The following MAP1B variants were observed in gnomAD, a reference collection of about 807,000 sequenced individuals.
The protein encoded by MAP1B is microtubule-associated protein 1B.
MAP1B carries 12 observed loss-of-function variants against 176.1 expected under a neutral mutation model. The observed-to-expected ratio is 0.07, with a 90% CI of 0.04 to 0.11. The LOEUF is 0.11. Ranked by LOEUF, MAP1B falls within the 10% of genes least tolerant of loss-of-function variation. The probability of loss-of-function intolerance (pLI) is 1.00; values close to 1 mark genes in which losing one functional copy is unlikely to be tolerated. For synonymous variants in MAP1B, 1,044 were observed against 1,135.0 expected (o/e 0.92, Z 1.61); for missense variants, 2,523 against 2,990.5 (o/e 0.84, Z 3.65).
chr5:72,150,468 A>G (rs1746120907), intron 2 of MAP1B, among the ~76,000 whole-genome samples: 1 of 152,196 alleles, frequency 6.6e-6, no homozygotes, highest in African/African-American at 2.4e-5. Flanking sequence ...TGCATATAGG[A>G]CAGATTTTTT....
chr5:72,198,752 T>G lies in MAP1B; in HGVS notation c.5397T>G (p.Thr1799=). ...PRESSPLYSP[T]FSDSTSAVKE... Reference sequence around the variant, plus strand: ...AGTCCTCTCCTTTATATTCACCTACTTTTTCAGATTCTACCTCTGCAGTCA... The same window carrying G: ...AGTCCTCTCCTTTATATTCACCTACGTTTTCAGATTCTACCTCTGCAGTCA... The change falls in exon 5 of 7, where the codon ACT becomes ACG. Residue 1799 remains threonine (T), a synonymous_variant. Transcript: ENST00000296755. The G allele has an allele frequency of 6.2e-7, 1 of 1,614,160 alleles. No individual in the cohort carries two copies. The highest frequency in any genetic ancestry group is 2.2e-5 in the East Asian group (1 of 44,884).
rs1747453948 is a variant in MAP1B at position 72,206,575 on chromosome 5, A to G, written c.*1336A>G. On this transcript the variant is annotated 3_prime_UTR_variant, in exon 7 of 7. Transcript: ENST00000296755. The stretch of plus-strand genomic sequence containing the variant: ...TTAAATTTTCCATTAATTTCAACAT[A>G]ATTATGGGAACAAGTGTACAGAAGA... 1 of 152,556 alleles carries G rather than the reference A, an allele frequency of 6.6e-6. No homozygotes were observed. Among genetic ancestry groups the G allele is most frequent in the South Asian group, 2.1e-4 (1 of 4,826 alleles). The allele number at this position is 152,556 out of a possible 1,614,324, so 9.5% of individuals were successfully genotyped here.
At chr5:72,130,153 C>T (rs1745702537) in intron 2 of MAP1B, among the ~76,000 whole-genome samples, 1 of 145,826 alleles carries the variant, frequency 6.9e-6, no homozygotes, top group Non-Finnish European at 1.5e-5. Context: ...TTTTAAAAAT[C>T]CCAACTTACA....
Position 72,203,601 on chromosome 5 carries a change from C to T in MAP1B, c.7051C>T (p.Pro2351Ser), listed in dbSNP as rs771764249. 1.2e-6 allele frequency: 2 copies of T among 1,614,076 alleles called. No individual in the cohort carries two copies. Among genetic ancestry groups the T allele is most frequent in the Admixed American group, 3.3e-5 (2 of 60,012 alleles). ...TTKTTKSSAV[P>S]PGLPVYLDLC... ...CAAGACGACCAAGTCATCTGCTGTG[C>T]CCCCAGGCCTCCCTGTGTATTTGGA... Residue 2351 changes from proline to serine, a missense_variant, in exon 6 of 7, where the codon CCC becomes TCC. Physicochemically the swap from Pro to Ser is moderately conservative, Grantham distance 74. Coordinates refer to ENST00000296755, the MANE Select transcript of MAP1B (RefSeq NM_005909.5).
chr5:72,180,252 G>A (rs1746738500), intron 2 of MAP1B, among the ~76,000 whole-genome samples: 1 of 152,204 alleles, frequency 6.6e-6, no homozygotes, highest in African/African-American at 2.4e-5. Flanking sequence ...GAATACAGAC[G>A]TGATGACAGT....
rs1202830721 is a variant in MAP1B at position 72,186,650 on chromosome 5, C to T, written c.406C>T (p.Leu136=). The T allele has an allele frequency of 6.2e-7, 1 of 1,614,124 alleles. No homozygotes were observed. Among genetic ancestry groups the T allele is most frequent in the Non-Finnish European group, 8.5e-7 (1 of 1,180,062 alleles). ...LMITDAARHK[L]LVLTGQCFEN... ...GATCACTGATGCTGCCCGACACAAGCTGCTCGTGCTGACCGGGCAGTGCTT... is the reference window on the plus strand; with the variant it reads ...GATCACTGATGCTGCCCGACACAAGTTGCTCGTGCTGACCGGGCAGTGCTT... The change falls in exon 4 of 7, where the codon CTG becomes TTG. Residue 136 remains leucine (L), a synonymous_variant. Coordinates refer to ENST00000296755, the MANE Select transcript of MAP1B (RefSeq NM_005909.5). The surrounding 1 kb of genome is among the most constrained non-coding windows in gnomAD (Gnocchi z 4.3).
At position 72,208,984 on chromosome 5, in the gene MAP1B, A is replaced by G. The variant is rs866596655; in HGVS notation, c.*3745A>G. 5 of 152,208 alleles carry G rather than the reference A, an allele frequency of 3.3e-5. No homozygotes were observed. Among genetic ancestry groups the G allele is most frequent in the Non-Finnish European group, 4.4e-5 (3 of 68,044 alleles). The allele number at this position is 152,208 out of a possible 1,614,324, so 9.4% of individuals were successfully genotyped here. Reference sequence around the variant, plus strand: ...TTTATCTTTTAACCAACTGAACAATACACCAAAAGCAGCCTAGGGATGAGC... The same window carrying G: ...TTTATCTTTTAACCAACTGAACAATGCACCAAAAGCAGCCTAGGGATGAGC... On this transcript the variant is annotated 3_prime_UTR_variant, in exon 7 of 7. Transcript: ENST00000296755.
chr5:72,197,665 G>C lies in MAP1B; in HGVS notation c.4310G>C (p.Gly1437Ala). 2 of 1,614,160 alleles carry C rather than the reference G, an allele frequency of 1.2e-6. No individual in the cohort carries two copies. Among genetic ancestry groups the C allele is most frequent in the South Asian group, 2.2e-5 (2 of 91,082 alleles). The change falls in exon 5 of 7, where the codon GGC (glycine) becomes GCC (alanine). Residue 1437 changes from glycine (G) to alanine (A), a missense_variant. Gly to Ala is a moderately conservative substitution (Grantham distance 60). Coordinates refer to ENST00000296755, the MANE Select transcript of MAP1B (RefSeq NM_005909.5). ...SPFEEKSGKQ[G>A]SPDQVSPVSE... ...TTTGAAGAAAAGAGTGGAAAACAAG[G>C]CTCTCCAGACCAAGTAAGTCCAGTT...
At chr5:72,137,679 C>T (rs1745861177) in intron 2 of MAP1B, among the ~76,000 whole-genome samples, 2 of 152,192 alleles carry the variant, frequency 1.3e-5, no homozygotes, top group African/African-American at 4.8e-5. Flanking sequence ...AAAGTACAGG[C>T]TCCTATGCCC....
At chr5:72,149,665 C>A (rs1433248170) in intron 2 of MAP1B, among the ~76,000 whole-genome samples, 1 of 152,162 alleles carries the variant, frequency 6.6e-6, no homozygotes, top group Non-Finnish European at 1.5e-5. Flanking sequence ...CTTCTGTCAC[C>A]CCTCTGTGCT....
chr5:72,150,537 A>C (rs907405121), intron 2 of MAP1B, among the ~76,000 whole-genome samples: 16 of 152,190 alleles, frequency 1.1e-4, no homozygotes, highest in Non-Finnish European at 1.9e-4. Flanking sequence ...GTACAAATGC[A>C]GGTTTGTTAC....
intron 2 of MAP1B, among the ~76,000 whole-genome samples, chr5:72,162,210 G>A (rs1322308788): frequency 6.6e-6 from 1 of 152,170 alleles, no homozygotes; most frequent in Non-Finnish European, 1.5e-5. Flanking sequence ...GGTGTGATTG[G>A]CGAGAGATGA....
At chr5:72,108,910 G>T (rs984152453) in intron 1 of MAP1B, among the ~76,000 whole-genome samples, 4 of 152,198 alleles carry the variant, frequency 2.6e-5, no homozygotes, top group African/African-American at 9.6e-5. Context: ...CGCAGCCCCA[G>T]CCCGCGCTCT....
chr5:72,201,682 C>A (rs1167539719), intron 5 of MAP1B, among the ~76,000 whole-genome samples: 1 of 152,172 alleles, frequency 6.6e-6, no homozygotes, highest in Admixed American at 6.5e-5. Flanking sequence ...AATAACATTG[C>A]CCTGATTTAT....
Position 72,207,962 on chromosome 5 carries a change from C to CTTTTTTT in MAP1B, c.*2738_*2744dup, listed in dbSNP as rs564543921. 5.8e-4 allele frequency: 67 copies of CTTTTTTT among 115,982 alleles called. No individual in the cohort carries two copies. Among genetic ancestry groups the CTTTTTTT allele is most frequent in the East Asian group, 2.3e-3 (7 of 3,010 alleles). The allele number at this position is 115,982 out of a possible 1,614,324, so 7.2% of individuals were successfully genotyped here. A position where few individuals can be genotyped will look rare whatever the true frequency, so the allele number is the denominator to read the frequency against. On this transcript the variant is annotated 3_prime_UTR_variant, in exon 7 of 7. Coordinates refer to ENST00000296755, the MANE Select transcript of MAP1B (RefSeq NM_005909.5). ...CTCCTCACTTTCTCTCTCTCTCTCT[C>CTTTTTTT]TTTTTTTTTTTTTTTTTTTTTGCTA...
intron 1 of MAP1B, among the ~76,000 whole-genome samples, chr5:72,115,300 C>T (rs1416619424): frequency 6.6e-6 from 1 of 152,238 alleles, no homozygotes; most frequent in African/African-American, 2.4e-5. Context: ...TTGCCACCTA[C>T]AAGTGGAGTT....
chr5:72,112,425 G>T (rs1166818541), intron 1 of MAP1B, among the ~76,000 whole-genome samples: 3 of 152,142 alleles, frequency 2.0e-5, no homozygotes, highest in Admixed American at 6.5e-5. Flanking sequence ...GAACAATCTA[G>T]CCTGTACACA....
At chr5:72,203,507 T>C (rs1747376226) in intron 5 of MAP1B, 56 bp from the exon 6 acceptor site, 2 of 1,238,286 alleles carry the variant, frequency 1.6e-6, no homozygotes, top group African/African-American at 3.0e-5. Context: ...ATGTGCTGGA[T>C]GTATGGTCTC....
intron 2 of MAP1B, among the ~76,000 whole-genome samples, chr5:72,150,664 T>C (rs1432881658): frequency 6.6e-6 from 1 of 152,142 alleles, no homozygotes; most frequent in African/African-American, 2.4e-5. Flanking sequence ...CCCTCCACCC[T>C]CCGATAGGCC....
Sources: gnomAD v4.1 joint callset for allele counts (sites outside exome capture counted in the v4.1 genomes callset) on GRCh38, gnomAD v4.1.1 for gene constraint, Gnocchi (gnomAD v3.1) non-coding constraint, MANE v1.5 for transcripts, NCBI Gene and HGNC (gene_info 2026-07-23, HGNC 2026-07-21) for gene names.